Variants in TRIM4 observed in about 807,000 individuals in gnomAD.
The protein encoded by TRIM4 is E3 ubiquitin-protein ligase TRIM4.
In TRIM4, 29 loss-of-function variants were observed where a neutral mutation model predicts 33.7. The observed-to-expected ratio is 0.86, with a 90% CI of 0.64 to 1.17. The LOEUF (loss-of-function observed/expected upper bound fraction) is 1.17, where lower values mean the gene tolerates loss of function less well. Ranked by LOEUF, TRIM4 falls within the 50% of genes most tolerant of loss-of-function variation. The pLI is 0.00. For synonymous variants in TRIM4, 224 were observed against 233.0 expected (o/e 0.96, Z 0.35); for missense variants, 554 against 593.7 (o/e 0.93, Z 0.69).
chr7:99,916,254 G>GCT (rs1819553300), intron 1 of TRIM4, among the ~76,000 whole-genome samples: 2 of 152,080 alleles, frequency 1.3e-5, no homozygotes, highest in African/African-American at 4.8e-5. Context: ...TCTTTTGCTG[G>GCT]CTACCAACCA....
Position 99,891,772 on chromosome 7 carries a change from T to C in TRIM4, c.*391A>G, listed in dbSNP as rs529116359. ...ACAATAAGGGCGTAATTATCTCATA[T>C]AACAAGAAGCTTGGCATGAAGGAAA... On this transcript the variant is annotated 3_prime_UTR_variant, in exon 6 of 6. Coordinates refer to ENST00000349062, the MANE Select transcript of TRIM4 (RefSeq NM_033091.3). The C allele has an allele frequency of 5.5e-6, 1 of 181,266 alleles. No individual in the cohort carries two copies. Among genetic ancestry groups the C allele is most frequent in the South Asian group, 1.3e-4 (1 of 7,582 alleles). 11.2% of individuals were successfully genotyped at this position (181,266 alleles called of 1,614,324 possible).
intron 5 of TRIM4, among the ~76,000 whole-genome samples, chr7:99,900,046 A>T (rs1212991863): frequency 2.0e-5 from 3 of 152,192 alleles, no homozygotes. Flanking sequence ...TCAGCCTCCC[A>T]AAGAATTGGG....
intron 3 of TRIM4, among the ~76,000 whole-genome samples, chr7:99,904,891 G>T (rs561755093): frequency 3.9e-5 from 6 of 152,142 alleles, no homozygotes; most frequent in Non-Finnish European, 7.4e-5. Context: ...AATTAGACAG[G>T]CATGATGGCG....
intron 1 of TRIM4, among the ~76,000 whole-genome samples, chr7:99,917,589 G>T (rs1387690296): frequency 6.6e-6 from 1 of 152,228 alleles, no homozygotes; most frequent in East Asian, 1.9e-4. Flanking sequence ...CATGCTGGCA[G>T]GTGCCTGTAA....
chr7:99,919,096 C>T lies in TRIM4; in HGVS notation c.306G>A (p.Gln102=), dbSNP rs1250059298. The T allele has an allele frequency of 1.2e-5, 18 of 1,537,320 alleles. No individual in the cohort carries two copies. Among genetic ancestry groups the T allele is most frequent in the Non-Finnish European group, 1.3e-5 (15 of 1,142,548 alleles). ...CCCTGCACACCAGGCACACTGGCCG[C>T]TGGTCGTCCTCGCAGAAGAGCCGCA... ...EPLRLFCEDD[Q]RPVCLVCRES... The change falls in exon 1 of 6, where the codon CAG becomes CAA. Residue 102 remains glutamine (Q), a synonymous_variant. Coordinates refer to ENST00000349062, the MANE Select transcript of TRIM4 (RefSeq NM_033091.3).
intron 1 of TRIM4, among the ~76,000 whole-genome samples, chr7:99,916,498 G>A (rs1449729143): frequency 2.0e-5 from 3 of 152,052 alleles, no homozygotes; most frequent in African/African-American, 4.8e-5. Context: ...CTAAGACTAC[G>A]CTTCCTCCTG....
chr7:99,900,816 T>C (rs1819147519), intron 5 of TRIM4, among the ~76,000 whole-genome samples: 1 of 152,240 alleles, frequency 6.6e-6, no homozygotes, highest in Non-Finnish European at 1.5e-5. Context: ...GTCAACTTCG[T>C]CTTTGTTCCA....
intron 5 of TRIM4, among the ~76,000 whole-genome samples, chr7:99,893,361 A>G (rs1818940719): frequency 2.4e-5 from 2 of 83,178 alleles, no homozygotes; most frequent in South Asian, 6.1e-4. Context: ...AGATATTAAC[A>G]AATTCTCACG....
intron 1 of TRIM4, among the ~76,000 whole-genome samples, chr7:99,912,648 T>C (rs528992914): frequency 6.6e-6 from 1 of 152,316 alleles, no homozygotes; most frequent in African/African-American, 2.4e-5. Flanking sequence ...AATTGATGTA[T>C]TCAGAGAGAT....
At chr7:99,900,281 C>G (rs1280947464) in intron 5 of TRIM4, among the ~76,000 whole-genome samples, 1 of 152,098 alleles carries the variant, frequency 6.6e-6, no homozygotes, top group African/African-American at 2.4e-5. Context: ...AAAGGTCAAG[C>G]CTTTTTTTTC....
chr7:99,919,490 T>C lies in TRIM4; in HGVS notation c.-89A>G. The C allele has an allele frequency of 7.3e-7, 1 of 1,362,556 alleles. No individual in the cohort carries two copies. Among genetic ancestry groups the C allele is most frequent in the South Asian group, 1.6e-5 (1 of 62,568 alleles). 84.4% of individuals were successfully genotyped at this position (1,362,556 alleles called of 1,614,324 possible). On this transcript the variant is annotated 5_prime_UTR_variant, in exon 1 of 6. Coordinates refer to ENST00000349062, the MANE Select transcript of TRIM4 (RefSeq NM_033091.3). The stretch of plus-strand genomic sequence containing the variant: ...GCGGCCGCGGGGAGGCCAGACGACT[T>C]CCGAACCGCCGTCACCGCCTCACGT...
chr7:99,902,700 C>G (rs79810349), intron 5 of TRIM4, among the ~76,000 whole-genome samples: 10,117 of 152,122 alleles, frequency 0.067, 360 homozygotes, highest in Middle Eastern at 0.075. Context: ...TACCTTTCCT[C>G]AAAATACACC....
At chr7:99,914,814 CT>C (rs921233820) in intron 1 of TRIM4, among the ~76,000 whole-genome samples, 6 of 149,014 alleles carry the variant, frequency 4.0e-5, no homozygotes, top group South Asian at 2.1e-4. Context: ...TTCTTTTTTT[CT>C]TTTTTTTTTC....
chr7:99,894,669 C>CG (rs1429203791), intron 5 of TRIM4, among the ~76,000 whole-genome samples: 1 of 148,312 alleles, frequency 6.7e-6, no homozygotes. Flanking sequence ...TCCATCCCCC[C>CG]CCCAAAAAAA....
Position 99,892,424 on chromosome 7 carries a change from C to T in TRIM4, c.1164G>A (p.Val388=). ...CACTCCAATAAATCGCCCAGATGCC[C>T]ACATCTGGGGACATTTTTGAACGAT... The part of the protein sequence containing the change: ...ITDRSKMSPD[V]GIWAIYWSAA... The change falls in exon 6 of 6, where the codon GTG becomes GTA. Residue 388 remains valine, a synonymous_variant. Transcript: ENST00000349062. 1.2e-6 allele frequency: 2 copies of T among 1,614,120 alleles called. No homozygotes were observed. Among genetic ancestry groups the T allele is most frequent in the Non-Finnish European group, 8.5e-7 (1 of 1,179,998 alleles).
intron 5 of TRIM4, 131 bp downstream of exon 5, chr7:99,903,087 C>T: frequency 1.5e-6 from 1 of 668,854 alleles, no homozygotes; most frequent in African/African-American, 1.8e-5. Flanking sequence ...AAGTGTATAC[C>T]CATTTATTAA....
In TRIM4 at chr7:99,892,145, G is replaced by A; in HGVS notation, c.*18C>T. The A allele has an allele frequency of 6.3e-7, 1 of 1,580,616 alleles. No homozygotes were observed. The highest frequency in any genetic ancestry group is 8.6e-7 in the Non-Finnish European group (1 of 1,165,174). On this transcript the variant is annotated 3_prime_UTR_variant, in exon 6 of 6. Coordinates refer to ENST00000349062, the MANE Select transcript of TRIM4 (RefSeq NM_033091.3). ...GCTGGACTACAGGGAAGGAGTTTTG[G>A]TCAGGGGAAGAAAAGCCTCATTTCC...
chr7:99,904,913 T>C (rs1329433094), intron 3 of TRIM4, among the ~76,000 whole-genome samples: 4 of 151,970 alleles, frequency 2.6e-5, no homozygotes, highest in Non-Finnish European at 5.9e-5. Context: ...GTGTCTGTAA[T>C]CCCAGCTACT....
rs1818900413 is a variant in TRIM4, at chr7:99,891,992, T to C, written c.*171A>G. Reference sequence around the variant, plus strand: ...CTCCATTGGCCAGACCCACCTCCCATGGGACTGCCTCTTGTGAAGCACACA... The same window carrying C: ...CTCCATTGGCCAGACCCACCTCCCACGGGACTGCCTCTTGTGAAGCACACA... On this transcript the variant is annotated 3_prime_UTR_variant, in exon 6 of 6. Coordinates refer to ENST00000349062, the MANE Select transcript of TRIM4 (RefSeq NM_033091.3). 6 of 616,160 alleles carry C rather than the reference T, an allele frequency of 9.7e-6. No individual in the cohort carries two copies. The highest frequency in any genetic ancestry group is 5.7e-5 in the East Asian group (2 of 35,050). The allele number at this position is 616,160 out of a possible 1,614,324, so 38.2% of individuals were successfully genotyped here. A position where few individuals can be genotyped will look rare whatever the true frequency, so the allele number is the denominator to read the frequency against.
Sources: allele counts gnomAD v4.1 joint callset (sites outside exome capture counted in the v4.1 genomes callset), GRCh38; gene constraint gnomAD v4.1.1; transcripts MANE v1.5; gene names NCBI Gene and HGNC (gene_info 2026-07-23, HGNC 2026-07-21).